FNBP1: variants seen among roughly 807,000 people sequenced by gnomAD.
FNBP1 encodes formin-binding protein 1.
In FNBP1, 26 loss-of-function variants were observed where a neutral mutation model predicts 90.6. That is an observed-to-expected ratio of 0.29 (90% CI 0.21 to 0.40). The LOEUF (loss-of-function observed/expected upper bound fraction) is 0.40, where lower values mean the gene tolerates loss of function less well. Ranked by LOEUF, FNBP1 falls within the 10% of genes least tolerant of loss-of-function variation. FNBP1 has a pLI of 1.00. For missense variants in FNBP1, 635 were observed against 768.0 expected (o/e 0.83, Z 2.05); for synonymous variants, 260 against 265.2 (o/e 0.98, Z 0.19).
At chr9:129,909,446 C>T (rs956200817) in intron 11 of FNBP1, among the ~76,000 whole-genome samples, 11 of 152,120 alleles carry the variant, frequency 7.2e-5, no homozygotes, top group African/African-American at 1.4e-4. Context: ...TTTTCCCTAG[C>T]GTGAGTATTC....
At chr9:129,980,185 C>G (rs1166125882) in intron 2 of FNBP1, among the ~76,000 whole-genome samples, 4 of 151,072 alleles carry the variant, frequency 2.6e-5, no homozygotes, top group Non-Finnish European at 4.4e-5. Flanking sequence ...CATGGAGAAA[C>G]CCCGTCCCTA....
At position 129,939,214 on chromosome 9, in the gene FNBP1, C is replaced by A. The variant is rs569629130; in HGVS notation, c.514-9519G>T. On this transcript the variant is annotated intron_variant, in intron 6 of 16. Coordinates refer to ENST00000446176, the MANE Select transcript of FNBP1 (RefSeq NM_015033.3). ...GACCAGCCTGACCAATATGATGAAA[C>A]CCCGTCTCTACTAAAAATACAAAAA... Among the ~76,000 whole-genome samples the A allele has an allele frequency of 9.9e-5, 15 of 152,090 alleles. No individual in the cohort carries two copies. The South Asian group carries it at 3.1e-3, about 32-fold the overall frequency.
At chr9:129,953,518 T>G (rs554406862) in intron 6 of FNBP1, among the ~76,000 whole-genome samples, 1 of 151,930 alleles carries the variant, frequency 6.6e-6, no homozygotes, top group South Asian at 2.1e-4. Flanking sequence ...AATAAATAAA[T>G]AAATATCTGT....
At chr9:129,975,076 G>A (rs944916904) in intron 4 of FNBP1, among the ~76,000 whole-genome samples, 5 of 151,822 alleles carry the variant, frequency 3.3e-5, no homozygotes, top group South Asian at 4.2e-4. Flanking sequence ...AAAATCAGCC[G>A]GGCATGGTAG....
chr9:129,994,588 GAAAC>G (rs924734716), intron 2 of FNBP1, among the ~76,000 whole-genome samples: 13 of 151,232 alleles, frequency 8.6e-5, no homozygotes, highest in African/African-American at 2.7e-4. Context: ...AGTTTACTGA[GAAAC>G]AAGCTGCTCC....
At chr9:129,909,456 C>T (rs1301246675) in intron 11 of FNBP1, among the ~76,000 whole-genome samples, 1 of 152,154 alleles carries the variant, frequency 6.6e-6, no homozygotes, top group Non-Finnish European at 1.5e-5. Flanking sequence ...CGTGAGTATT[C>T]CTGCCAGTCT....
rs2059947094 is a variant in FNBP1, at chr9:130,042,724, G to C, written c.24+228C>G. Among the ~76,000 whole-genome samples the C allele has an allele frequency of 6.6e-6, 1 of 151,726 alleles. No homozygotes were observed. Among genetic ancestry groups the C allele is most frequent in the South Asian group, 2.1e-4 (1 of 4,828 alleles). ...CCCGCGCCGTTCCTCAGGCCGCCGG[G>C]GACCCGCACCAACTCCCCTCGCCTC... On this transcript the variant is annotated intron_variant, in intron 1 of 16. Transcript: ENST00000446176. The surrounding 1 kb of genome is among the most constrained non-coding windows in gnomAD (Gnocchi z 5.5).
At chr9:130,052,715 C>T in the FNBP1 span, among the ~76,000 whole-genome samples, 2 of 151,956 alleles carry the variant, frequency 1.3e-5, no homozygotes, top group African/African-American at 4.8e-5. Context: ...GATTCAGGCG[C>T]GAATCACCAC....
chr9:129,934,818 T>G (rs916504611), intron 6 of FNBP1, among the ~76,000 whole-genome samples: 2 of 151,984 alleles, frequency 1.3e-5, no homozygotes, highest in African/African-American at 4.8e-5. Context: ...GTGATCTGCC[T>G]GCCTCGGCCT....
At chr9:130,023,415 T>C (rs921821320) in intron 1 of FNBP1, among the ~76,000 whole-genome samples, 1 of 152,132 alleles carries the variant, frequency 6.6e-6, no homozygotes, top group African/African-American at 2.4e-5. Flanking sequence ...GAGGTCGGGA[T>C]TGCACACAAT....
intron 1 of FNBP1, among the ~76,000 whole-genome samples, chr9:130,012,799 C>G (rs555592963): frequency 6.6e-6 from 1 of 152,204 alleles, no homozygotes; most frequent in African/African-American, 2.4e-5. Flanking sequence ...GCCACCACAC[C>G]AGGCTAATTT....
In FNBP1 at chr9:129,900,005, G is replaced by A; in HGVS notation, c.1647C>T (p.Leu549=). ...FDDEFDDEEP[L]PAIGTCKALY... is the part of the protein sequence containing the mutation. The stretch of plus-strand genomic sequence containing the variant: ...GAGCTTTGCACGTCCCTATGGCAGG[G>A]AGGGGCTCCTCATCATCAAACTCGT... The change falls in exon 15 of 17, where the codon CTC becomes CTT. Residue 549 remains leucine (L), a synonymous_variant. Coordinates refer to ENST00000446176, the MANE Select transcript of FNBP1 (RefSeq NM_015033.3). This position sits in a 1 kb window ranked among gnomAD's most constrained non-coding sequence, Gnocchi z 4.1. 1.2e-6 allele frequency: 2 copies of A among 1,613,152 alleles called. No individual in the cohort carries two copies. Among genetic ancestry groups the A allele is most frequent in the South Asian group, 2.2e-5 (2 of 90,918 alleles).
At chr9:130,037,919 G>A (rs1327884926) in intron 1 of FNBP1, among the ~76,000 whole-genome samples, 1 of 152,118 alleles carries the variant, frequency 6.6e-6, no homozygotes, top group East Asian at 1.9e-4. Context: ...CACAGAGTCA[G>A]GCATTGTTCC....
At chr9:130,024,990 G>C (rs2058204330) in intron 1 of FNBP1, among the ~76,000 whole-genome samples, 1 of 152,078 alleles carries the variant, frequency 6.6e-6, no homozygotes. Flanking sequence ...GACCAGCCTG[G>C]CCAACATAGT....
intron 2 of FNBP1, among the ~76,000 whole-genome samples, chr9:129,989,723 C>A (rs775506688): frequency 9.9e-5 from 15 of 152,248 alleles, no homozygotes; most frequent in Non-Finnish European, 2.1e-4. Context: ...CATTGTGTCT[C>A]CAGTTAATAA....
At chr9:129,949,221 C>G (rs1403435960) in intron 6 of FNBP1, among the ~76,000 whole-genome samples, 1 of 152,116 alleles carries the variant, frequency 6.6e-6, no homozygotes, top group Non-Finnish European at 1.5e-5. Context: ...AACTCTATGA[C>G]AGCTGCAAAA....
rs552137197 is a variant in FNBP1, at chr9:129,951,436, A to ATTTG, written c.513+5923_513+5924insCAAA. ...ATAATTTCTATTTATTTATTTATTT[A>ATTTG]TTTATTTGTTTGTTTGTTTGTTTGA... On this transcript the variant is annotated intron_variant, in intron 6 of 16. Transcript: ENST00000446176. 2.3e-3 allele frequency among the ~76,000 whole-genome samples: 301 copies of ATTTG among 130,188 alleles called. 2 individuals carry two copies. Among genetic ancestry groups the ATTTG allele is most frequent in the South Asian group, 0.011 (47 of 4,124 alleles). The allele number at this position is 130,188 out of a possible 152,430, so 85.4% of individuals were successfully genotyped here.
intron 4 of FNBP1, among the ~76,000 whole-genome samples, chr9:129,977,517 G>C (rs111629020): frequency 7.1e-6 from 1 of 141,168 alleles, no homozygotes; most frequent in Non-Finnish European, 1.5e-5. Flanking sequence ...TTGAGGTGGA[G>C]TTTTGCTCTT....
chr9:130,004,448 G>GA (rs2131526690), intron 1 of FNBP1, among the ~76,000 whole-genome samples: 1 of 152,260 alleles, frequency 6.6e-6, no homozygotes, highest in African/African-American at 2.4e-5. Flanking sequence ...CCAGTGAAGG[G>GA]AATGATCTCC....
Sources: gnomAD v4.1 joint callset for allele counts (sites outside exome capture counted in the v4.1 genomes callset) on GRCh38, gnomAD v4.1.1 for gene constraint, Gnocchi (gnomAD v3.1) non-coding constraint, MANE v1.5 for transcripts, NCBI Gene and HGNC (gene_info 2026-07-23, HGNC 2026-07-21) for gene names.